The following RBFOX1 variants were observed in gnomAD, a reference collection of about 807,000 sequenced individuals.
RBFOX1 encodes the protein RNA binding fox-1 homolog 1.
In RBFOX1, 8 loss-of-function variants were observed where a neutral mutation model predicts 57.7. The observed-to-expected ratio is 0.14, with a 90% confidence interval of 0.08 to 0.25. The LOEUF is 0.25. RBFOX1 is among the 10% of genes least tolerant of loss of function. RBFOX1 has a pLI of 1.00. For synonymous variants in RBFOX1, 326 were observed against 222.4 expected, an observed-to-expected ratio of 1.47 and a Z score of -4.15; for missense variants, 611 against 548.5, an observed-to-expected ratio of 1.11 and a Z score of -1.14.
At chr16:5,844,615 G>A (rs748579758) in intron 3 of RBFOX1, among the ~76,000 whole-genome samples, 6 of 152,126 alleles carry the variant, frequency 3.9e-5, no homozygotes, top group Non-Finnish European at 7.3e-5. Context: ...GGAAAAATAA[G>A]CAGTGTGTCA....
chr16:6,294,312 A>G (rs1178142551), intron 1 of RBFOX1, among the ~76,000 whole-genome samples: 1 of 152,242 alleles, frequency 6.6e-6, no homozygotes, highest in Non-Finnish European at 1.5e-5. Context: ...TTGTAAGCTT[A>G]TTAGACTTGG....
intron 4 of RBFOX1, among the ~76,000 whole-genome samples, chr16:5,910,717 C>T (rs2058583117): frequency 6.6e-6 from 1 of 152,144 alleles, no homozygotes; most frequent in South Asian, 2.1e-4. Flanking sequence ...AGTAGGATGC[C>T]CATCAACCGA....
chr16:6,195,544 C>A (rs2097174377), intron 1 of RBFOX1, among the ~76,000 whole-genome samples: 1 of 151,938 alleles, frequency 6.6e-6, no homozygotes, highest in African/African-American at 2.4e-5. Flanking sequence ...ATGGAGAAAC[C>A]CCATGTCTAC....
At chr16:7,168,451 C>G (rs1224272549) in intron 4 of RBFOX1, among the ~76,000 whole-genome samples, 2 of 152,152 alleles carry the variant, frequency 1.3e-5, no homozygotes, top group Non-Finnish European at 2.9e-5. Context: ...AATTCGTGAA[C>G]CTCATTGGCG....
chr16:7,103,313 G>T (rs538106803), intron 4 of RBFOX1, among the ~76,000 whole-genome samples: 1 of 152,106 alleles, frequency 6.6e-6, no homozygotes, highest in Non-Finnish European at 1.5e-5. Context: ...GTATAGCAAT[G>T]AGTAATCATT....
intron 1 of RBFOX1, among the ~76,000 whole-genome samples, chr16:6,240,983 T>C (rs1325054676): frequency 6.6e-6 from 1 of 152,230 alleles, no homozygotes; most frequent in South Asian, 2.1e-4. Context: ...TTACCGTAGA[T>C]ACTCCTTCTG....
chr16:6,946,495 C>T (rs771891971), intron 3 of RBFOX1, among the ~76,000 whole-genome samples: 1 of 152,162 alleles, frequency 6.6e-6, no homozygotes, highest in Non-Finnish European at 1.5e-5. Context: ...CCTGTTTTCT[C>T]CTCCTTGTTT....
chr16:7,647,159 T>A (rs2063909508), intron 11 of RBFOX1, among the ~76,000 whole-genome samples: 1 of 152,190 alleles, frequency 6.6e-6, no homozygotes, highest in Non-Finnish European at 1.5e-5. Context: ...AGAACTGAGA[T>A]GGTTACTCTA....
rs529411581 is a variant in RBFOX1, at chr16:6,520,717, C to T, written c.-63-133886C>T. Among the ~76,000 whole-genome samples, 4 of 152,238 alleles carry T rather than the reference C, an allele frequency of 2.6e-5. No homozygotes were observed. In the East Asian group the frequency reaches 7.7e-4, roughly 29 times the overall value. On this transcript the variant is annotated intron_variant, in intron 2 of 15. Coordinates refer to ENST00000550418, the MANE Select transcript of RBFOX1 (RefSeq NM_018723.4). Reference sequence around the variant, plus strand: ...AACCCTGCTTAGTTTGATCCAGACACCCTTAGAACCTCTAAGTGGCTTCGT... The same window carrying T: ...AACCCTGCTTAGTTTGATCCAGACATCCTTAGAACCTCTAAGTGGCTTCGT...
At chr16:6,909,488 G>C (rs6500870) in intron 3 of RBFOX1, among the ~76,000 whole-genome samples, 1 of 152,012 alleles carries the variant, frequency 6.6e-6, no homozygotes, top group African/African-American at 2.4e-5. Context: ...TTTGGCATGA[G>C]ACAAGATTCT....
intron 2 of RBFOX1, among the ~76,000 whole-genome samples, chr16:6,472,109 C>T (rs1184190737): frequency 2.0e-5 from 3 of 152,200 alleles, no homozygotes; most frequent in Admixed American, 6.5e-5. Flanking sequence ...TTTACCTGAT[C>T]TTCCCAGCCT....
At chr16:6,663,990 G>C (rs1372908790) in intron 3 of RBFOX1, among the ~76,000 whole-genome samples, 1 of 152,196 alleles carries the variant, frequency 6.6e-6, no homozygotes, top group Non-Finnish European at 1.5e-5. Context: ...ACCAGGAAGA[G>C]TATTATGTCC....
intron 4 of RBFOX1, among the ~76,000 whole-genome samples, chr16:7,391,053 G>A (rs1429601374): frequency 6.6e-6 from 1 of 152,082 alleles, no homozygotes; most frequent in Non-Finnish European, 1.5e-5. Flanking sequence ...TGTTGTGCCT[G>A]TTCCTTCTGC....
intron 2 of RBFOX1, among the ~76,000 whole-genome samples, chr16:6,601,559 G>T (rs1384100577): frequency 6.6e-6 from 1 of 152,110 alleles, no homozygotes; most frequent in Non-Finnish European, 1.5e-5. Flanking sequence ...TATGCTTGGA[G>T]TTAGCTCTGG....
At chr16:6,499,644 G>C (rs1288538372) in intron 2 of RBFOX1, among the ~76,000 whole-genome samples, 1 of 151,986 alleles carries the variant, frequency 6.6e-6, no homozygotes, top group Non-Finnish European at 1.5e-5. Flanking sequence ...GGTATTTCAA[G>C]TTCTCATTAT....
At chr16:5,736,035 G>A (rs1394842556) in intron 3 of RBFOX1, among the ~76,000 whole-genome samples, 1 of 152,102 alleles carries the variant, frequency 6.6e-6, no homozygotes, top group Non-Finnish European at 1.5e-5. Context: ...GAACAAAGAC[G>A]GTGACATGCT....
intron 2 of RBFOX1, among the ~76,000 whole-genome samples, chr16:6,533,568 C>T (rs894697302): frequency 1.3e-5 from 2 of 151,890 alleles, no homozygotes; most frequent in African/African-American, 2.4e-5. Flanking sequence ...CATATGGTAA[C>T]ATACAGAGTC....
intron 1 of RBFOX1, among the ~76,000 whole-genome samples, chr16:6,296,080 A>T (rs933207068): frequency 1.2e-4 from 19 of 152,196 alleles, no homozygotes; most frequent in African/African-American, 4.6e-4. Context: ...CAGCCGTACA[A>T]GCAGTTGTTC....
chr16:7,234,477 G>T (rs1384776972), intron 4 of RBFOX1, among the ~76,000 whole-genome samples: 2 of 151,920 alleles, frequency 1.3e-5, no homozygotes, highest in African/African-American at 4.8e-5. Context: ...AGTGAAGAAG[G>T]GGGAACCAGG....
Sources: allele counts gnomAD v4.1 joint callset (sites outside exome capture counted in the v4.1 genomes callset), GRCh38; gene constraint gnomAD v4.1.1; transcripts MANE v1.5; gene names NCBI Gene and HGNC (gene_info 2026-07-23, HGNC 2026-07-21).